Variants in NMBR observed in about 807,000 individuals in gnomAD.
NMBR encodes neuromedin-B receptor.
In NMBR, 16 loss-of-function variants were observed where a neutral mutation model predicts 20.5. The observed-to-expected ratio is 0.78, with a 90% CI of 0.53 to 1.19. The LOEUF (loss-of-function observed/expected upper bound fraction) is 1.19, where lower values mean the gene tolerates loss of function less well. NMBR is among the 50% of genes most tolerant of loss of function. The pLI, the probability that NMBR is intolerant of heterozygous loss-of-function variation, is 0.00. For synonymous variants in NMBR, 212 were observed against 196.6 expected, an observed-to-expected ratio of 1.08 and a Z score of -0.65; for missense variants, 582 against 499.1, an observed-to-expected ratio of 1.17 and a Z score of -1.58.
chr6:142,133,003 A>G (rs1264414353), intron 1 of NMBR: 1 of 456,348 alleles, frequency 2.2e-6, no homozygotes, highest in Non-Finnish European at 3.9e-6. Context: ...CCAGAGATCT[A>G]AGAGTAAAGG....
chr6:142,121,274 A>G (rs1777939677), intron 1 of NMBR, among the ~76,000 whole-genome samples: 1 of 151,908 alleles, frequency 6.6e-6, no homozygotes, highest in Admixed American at 6.6e-5. Flanking sequence ...ACTGAACAAT[A>G]TTGAAATTAG....
chr6:142,114,295 C>A (rs992685115), intron 1 of NMBR, among the ~76,000 whole-genome samples: 9 of 152,124 alleles, frequency 5.9e-5, no homozygotes, highest in African/African-American at 1.9e-4. Flanking sequence ...TCATCTCTAT[C>A]ACCTTTTTTT....
chr6:142,105,342 A>T (rs1777642651), intron 1 of NMBR, among the ~76,000 whole-genome samples: 1 of 152,202 alleles, frequency 6.6e-6, no homozygotes, highest in Admixed American at 6.6e-5. Flanking sequence ...GAGGCCTGAC[A>T]ATTAATACTA....
chr6:142,100,074 AAT>A (rs1422883612), intron 1 of NMBR, among the ~76,000 whole-genome samples: 4 of 152,218 alleles, frequency 2.6e-5, no homozygotes, highest in Non-Finnish European at 5.9e-5. Flanking sequence ...GCCAACTTTA[AAT>A]GCTGAGCAGG....
At chr6:142,101,467 C>T (rs1421251060) in intron 1 of NMBR, among the ~76,000 whole-genome samples, 3 of 152,114 alleles carry the variant, frequency 2.0e-5, no homozygotes, top group African/African-American at 7.2e-5. Context: ...AATAGCAGAA[C>T]AGTGGGTTTT....
intron 2 of NMBR, among the ~76,000 whole-genome samples, chr6:142,087,493 G>C (rs1019463097): frequency 6.6e-6 from 1 of 151,964 alleles, no homozygotes; most frequent in Non-Finnish European, 1.5e-5. Flanking sequence ...ACATTCCCTG[G>C]GCCTCAATAT....
In NMBR at chr6:142,088,474, A is replaced by T. The variant is rs1185280728; in HGVS notation, c.185T>A (p.Ile62Asn). 2 of 1,614,010 alleles carry T rather than the reference A, an allele frequency of 1.2e-6. No homozygotes were observed. The highest frequency in any genetic ancestry group is 3.3e-5 in the Admixed American group (2 of 60,012). The change falls in exon 2 of 4, where the codon ATC (isoleucine) becomes AAC (asparagine). Residue 62 changes from isoleucine (I) to asparagine (N), a missense_variant. By Grantham distance (149) the Ile-to-Asn change is moderately radical. Transcript: ENST00000258042. Reference protein sequence around the residue: ...LIITVGLLGNIMLVKIFITNS... With the variant: ...LIITVGLLGNNMLVKIFITNS... ...GGTGATGAAGATCTTCACCAGCATGATGTTGCCCAGCAAGCCCACGGTGAT... is the reference window on the plus strand; with the variant it reads ...GGTGATGAAGATCTTCACCAGCATGTTGTTGCCCAGCAAGCCCACGGTGAT...
chr6:142,080,258 C>A (rs1387191248), intron 2 of NMBR, among the ~76,000 whole-genome samples: 1 of 146,432 alleles, frequency 6.8e-6, no homozygotes, highest in Non-Finnish European at 1.5e-5. Context: ...CAAATTATTT[C>A]TTTTTTATAG....
intron 1 of NMBR, among the ~76,000 whole-genome samples, chr6:142,140,782 T>C (rs1778349900): frequency 6.6e-6 from 1 of 152,130 alleles, no homozygotes; most frequent in Non-Finnish European, 1.5e-5. Flanking sequence ...CTCAATTGGC[T>C]ATATTAATAT....
intron 1 of NMBR, among the ~76,000 whole-genome samples, chr6:142,093,078 A>C (rs1777361092): frequency 6.6e-6 from 1 of 152,102 alleles, no homozygotes; most frequent in South Asian, 2.1e-4. Context: ...CAAAGCTTAA[A>C]AGCAAGGATT....
chr6:142,136,465 A>G (rs1778255388), intron 1 of NMBR, among the ~76,000 whole-genome samples: 1 of 152,066 alleles, frequency 6.6e-6, no homozygotes, highest in Non-Finnish European at 1.5e-5. Flanking sequence ...CGCTGATGGT[A>G]GTTTCTTTTG....
intron 1 of NMBR, among the ~76,000 whole-genome samples, chr6:142,115,424 C>T (rs1036984667): frequency 3.9e-5 from 6 of 151,924 alleles, no homozygotes; most frequent in East Asian, 1.9e-4. Flanking sequence ...GATGGGAGAT[C>T]GGACTAGAAA....
intron 1 of NMBR, among the ~76,000 whole-genome samples, chr6:142,110,967 C>T (rs947709566): frequency 1.3e-5 from 2 of 152,066 alleles, no homozygotes; most frequent in Non-Finnish European, 2.9e-5. Context: ...TGGCTGCGTG[C>T]GGTGGCTCAC....
chr6:142,121,910 T>G (rs1280170093), intron 1 of NMBR, among the ~76,000 whole-genome samples: 1 of 151,896 alleles, frequency 6.6e-6, no homozygotes, highest in African/African-American at 2.4e-5. Flanking sequence ...GTAGTCAATA[T>G]GCAGCCATTG....
chr6:142,104,639 T>C (rs1159917917), intron 1 of NMBR, among the ~76,000 whole-genome samples: 2 of 152,248 alleles, frequency 1.3e-5, no homozygotes, highest in Non-Finnish European at 2.9e-5. Flanking sequence ...AAAAAACCTG[T>C]ACTCTTTAAT....
intron 1 of NMBR, among the ~76,000 whole-genome samples, chr6:142,096,305 C>A (rs1428597859): frequency 6.6e-6 from 1 of 152,092 alleles, no homozygotes; most frequent in African/African-American, 2.4e-5. Flanking sequence ...TATAAATTTC[C>A]CTCTACACAC....
Position 142,075,135 on chromosome 6 carries a change from A to T in NMBR, c.*513T>A, listed in dbSNP as rs916397968. ...ACACACACACACACACTCATGCAAT[A>T]GTTGTGAATTGAATGAAATTCACCA... On this transcript the variant is annotated 3_prime_UTR_variant, in exon 4 of 4. Coordinates refer to ENST00000258042, the MANE Select transcript of NMBR (RefSeq NM_002511.4). 6.6e-6 allele frequency among the ~76,000 whole-genome samples: 1 copy of T among 152,028 alleles called. No homozygotes were observed. Among genetic ancestry groups the T allele is most frequent in the African/African-American group, 2.4e-5 (1 of 41,412 alleles).
intron 1 of NMBR, among the ~76,000 whole-genome samples, chr6:142,113,268 T>C (rs1582852772): frequency 1.3e-5 from 2 of 152,236 alleles, no homozygotes; most frequent in East Asian, 3.9e-4. Context: ...CCTAAAGTCA[T>C]ATTTATTTTT....
At chr6:142,144,811 A>T (rs1164478557) in intron 1 of NMBR, among the ~76,000 whole-genome samples, 1 of 152,158 alleles carries the variant, frequency 6.6e-6, no homozygotes, top group African/African-American at 2.4e-5. Context: ...GCACTTTGGG[A>T]GGCCGAGGCA....
Sources: allele counts gnomAD v4.1 joint callset (sites outside exome capture counted in the v4.1 genomes callset), GRCh38; gene constraint gnomAD v4.1.1; transcripts MANE v1.5; gene names NCBI Gene and HGNC (gene_info 2026-07-23, HGNC 2026-07-21).